ROBO2: variants seen among roughly 807,000 people sequenced by gnomAD.
ROBO2 encodes roundabout guidance receptor 2.
In ROBO2, 53 loss-of-function variants were observed where a neutral mutation model predicts 160.8. The ratio of observed to expected loss-of-function variants is 0.33; its 90% CI spans 0.26 to 0.41. The LOEUF is 0.41. ROBO2 is among the 10% of genes least tolerant of loss of function. The probability of loss-of-function intolerance (pLI) is 1.00; values close to 1 mark genes in which losing one functional copy is unlikely to be tolerated. For synonymous variants in ROBO2, 664 were observed against 611.7 expected (o/e 1.09, Z -1.26); for missense variants, 1,577 against 1,722.4 (o/e 0.92, Z 1.49).
chr3:75,908,111 CTG>C (rs1191852953), intron 1 of ROBO2, among the ~76,000 whole-genome samples: 4 of 152,028 alleles, frequency 2.6e-5, no homozygotes, highest in Non-Finnish European at 5.9e-5. Context: ...ACATGACACA[CTG>C]TGGATTTAAT....
chr3:75,922,583 T>C (rs1389034152), intron 1 of ROBO2, among the ~76,000 whole-genome samples: 3 of 152,062 alleles, frequency 2.0e-5, no homozygotes, highest in Admixed American at 6.6e-5. Context: ...GACAGGAAAC[T>C]GTATGAAACT....
chr3:76,588,682 T>G (rs576825922), intron 2 of ROBO2, among the ~76,000 whole-genome samples: 95 of 152,304 alleles, frequency 6.2e-4, no homozygotes, highest in African/African-American at 2.2e-3. Flanking sequence ...TCACATCAAG[T>G]GCCTGCACAA....
intron 2 of ROBO2, among the ~76,000 whole-genome samples, chr3:76,587,187 G>A (rs888786236): frequency 6.6e-6 from 1 of 152,106 alleles, no homozygotes; most frequent in Admixed American, 6.5e-5. Flanking sequence ...ATAACTGTGT[G>A]AAACCATATT....
intron 2 of ROBO2, among the ~76,000 whole-genome samples, chr3:77,390,202 T>C (rs1226850444): frequency 2.6e-5 from 4 of 152,144 alleles, no homozygotes; most frequent in African/African-American, 9.7e-5. Context: ...AGATTCCTAT[T>C]TTACTCGACC....
At chr3:77,445,794 G>GTTTTTTTTTTTTTT (rs199914360) in intron 2 of ROBO2, among the ~76,000 whole-genome samples, 5 of 123,074 alleles carry the variant, frequency 4.1e-5, no homozygotes, top group African/African-American at 1.6e-4. Context: ...GTTTTTTTTT[G>GTTTTTTTTTTTTTT]TTTTTTTTTT....
At chr3:77,518,664 A>G (rs2090279838) in intron 5 of ROBO2, among the ~76,000 whole-genome samples, 1 of 151,446 alleles carries the variant, frequency 6.6e-6, no homozygotes, top group African/African-American at 2.4e-5. Flanking sequence ...TGTATCCCCA[A>G]ATTTTGGTGC....
chr3:75,974,094 C>T (rs2065071272), intron 2 of ROBO2, among the ~76,000 whole-genome samples: 1 of 151,588 alleles, frequency 6.6e-6, no homozygotes, highest in Admixed American at 6.6e-5. Context: ...CTGCAAACAG[C>T]TTACAGTTGC....
At chr3:76,128,057 A>T (rs1031183263) in intron 2 of ROBO2, among the ~76,000 whole-genome samples, 1 of 151,638 alleles carries the variant, frequency 6.6e-6, no homozygotes, top group Non-Finnish European at 1.5e-5. Context: ...CACCATGCCC[A>T]GCTAATTTTT....
intron 2 of ROBO2, among the ~76,000 whole-genome samples, chr3:76,237,214 C>T (rs1171591699): frequency 6.6e-6 from 1 of 151,942 alleles, no homozygotes; most frequent in East Asian, 1.9e-4. Flanking sequence ...CTAAAAGATA[C>T]CTAAATCTTG....
chr3:77,267,030 A>T (rs1156475637), intron 2 of ROBO2, among the ~76,000 whole-genome samples: 2 of 152,190 alleles, frequency 1.3e-5, no homozygotes, highest in Admixed American at 6.5e-5. Context: ...CGACAGCTAG[A>T]CATATTTTTT....
intron 2 of ROBO2, among the ~76,000 whole-genome samples, chr3:76,160,509 T>C (rs554347430): frequency 4.1e-4 from 62 of 152,340 alleles, no homozygotes; most frequent in African/African-American, 1.5e-3. Flanking sequence ...CACAAGTTGA[T>C]GTGGATGGCC....
intron 2 of ROBO2, among the ~76,000 whole-genome samples, chr3:76,027,067 A>G (rs1157381316): frequency 1.3e-5 from 2 of 151,978 alleles, no homozygotes; most frequent in Admixed American, 1.3e-4. Context: ...CTATCGTTCT[A>G]TAAAAATATT....
intron 2 of ROBO2, among the ~76,000 whole-genome samples, chr3:76,692,496 G>A (rs9881683): frequency 0.027 from 4,179 of 152,112 alleles, 195 homozygotes; most frequent in African/African-American, 0.089. Flanking sequence ...TTTTCTATTC[G>A]TCACAAGGAC....
At chr3:76,884,655 T>C (rs1272886455) in intron 2 of ROBO2, among the ~76,000 whole-genome samples, 1 of 152,222 alleles carries the variant, frequency 6.6e-6, no homozygotes, top group Non-Finnish European at 1.5e-5. Flanking sequence ...TTTTATTTAG[T>C]AAGTTACTAG....
intron 2 of ROBO2, among the ~76,000 whole-genome samples, chr3:76,822,317 C>T (rs2066191289): frequency 6.6e-6 from 1 of 151,872 alleles, no homozygotes; most frequent in Admixed American, 6.6e-5. Context: ...GTAAATTTTT[C>T]CTGAATGTCA....
At chr3:77,352,422 G>A (rs1243906055) in intron 2 of ROBO2, among the ~76,000 whole-genome samples, 1 of 152,076 alleles carries the variant, frequency 6.6e-6, no homozygotes, top group Admixed American at 6.5e-5. Flanking sequence ...ATACACAGCA[G>A]CATCAGCCCA....
chr3:77,602,495 A>ACAC lies in ROBO2; in HGVS notation c.3136+4_3136+5insCAC. ...GATCAGAACAAAGGTAACAATGGTG[A>ACAC]GTCAGGTTCTTGTGTCCTGAGGAGG... On this transcript the variant is annotated splice_donor_region_variant and intron_variant, in intron 20 of 25. Coordinates refer to ENST00000461745, the Ensembl canonical transcript of ROBO2. The ACAC allele has an allele frequency of 6.2e-7, 1 of 1,614,134 alleles. No individual in the cohort carries two copies. Among genetic ancestry groups the ACAC allele is most frequent in the East Asian group, 2.2e-5 (1 of 44,882 alleles).
chr3:76,939,087 G>A (rs753495533), intron 2 of ROBO2, among the ~76,000 whole-genome samples: 19 of 151,984 alleles, frequency 1.3e-4, no homozygotes, highest in Non-Finnish European at 2.6e-4. Context: ...GGCAGAAAAT[G>A]GAAAGATAAT....
chr3:77,178,369 A>T (rs1451781401), intron 2 of ROBO2, among the ~76,000 whole-genome samples: 1 of 152,036 alleles, frequency 6.6e-6, no homozygotes, highest in Non-Finnish European at 1.5e-5. Flanking sequence ...CTTTTTGTTG[A>T]TGCCTAGATG....
Sources: allele counts gnomAD v4.1 joint callset (sites outside exome capture counted in the v4.1 genomes callset), GRCh38; gene constraint gnomAD v4.1.1; transcripts MANE v1.5; gene names NCBI Gene and HGNC (gene_info 2026-07-23, HGNC 2026-07-21).